Variants in UBASH3B observed in about 807,000 individuals in gnomAD.
The protein encoded by UBASH3B is ubiquitin associated and SH3 domain containing B, also known as ubiquitin-associated and SH3 domain-containing protein B.
UBASH3B carries 37 observed loss-of-function variants against 83.4 expected under a neutral mutation model. The observed-to-expected ratio is 0.44, with a 90% CI of 0.34 to 0.58. UBASH3B has a LOEUF of 0.58. Ranked by LOEUF, UBASH3B falls within the 20% of genes least tolerant of loss-of-function variation. UBASH3B has a pLI of 0.01. For missense variants in UBASH3B, 657 were observed against 827.2 expected (o/e 0.79, Z 2.52); for synonymous variants, 304 against 318.3 (o/e 0.96, Z 0.48).
At chr11:122,722,995 G>A (rs952649701) in intron 1 of UBASH3B, among the ~76,000 whole-genome samples, 3 of 152,128 alleles carry the variant, frequency 2.0e-5, no homozygotes, top group Admixed American at 6.5e-5. Flanking sequence ...GTGAGCCACC[G>A]CGCCCGGCCC....
chr11:122,765,471 C>T (rs549371325), intron 1 of UBASH3B, among the ~76,000 whole-genome samples: 33 of 152,286 alleles, frequency 2.2e-4, no homozygotes, highest in South Asian at 8.3e-4. Context: ...AGGATTCCAG[C>T]TCATCCAAGT....
intron 4 of UBASH3B, among the ~76,000 whole-genome samples, chr11:122,781,465 G>A (rs1241284227): frequency 2.0e-5 from 3 of 152,202 alleles, no homozygotes; most frequent in African/African-American, 7.2e-5. Context: ...CAGATTCTTG[G>A]AGTGCATACT....
At chr11:122,688,592 G>T (rs935265081) in intron 1 of UBASH3B, among the ~76,000 whole-genome samples, 1 of 147,434 alleles carries the variant, frequency 6.8e-6, no homozygotes, top group Admixed American at 6.9e-5. Flanking sequence ...GACTACAGAC[G>T]CCCGCCACCA....
At chr11:122,694,293 C>CT (rs1393287354) in intron 1 of UBASH3B, among the ~76,000 whole-genome samples, 1 of 151,788 alleles carries the variant, frequency 6.6e-6, no homozygotes, top group African/African-American at 2.4e-5. Context: ...CCTTTGTTTC[C>CT]TTTTTTGTTT....
intron 1 of UBASH3B, among the ~76,000 whole-genome samples, chr11:122,705,226 C>T (rs954085092): frequency 2.6e-5 from 4 of 152,144 alleles, no homozygotes; most frequent in Non-Finnish European, 4.4e-5. Flanking sequence ...GCAGGCAGAT[C>T]ATTTGAGGTG....
chr11:122,757,743 C>G (rs1861305571), intron 1 of UBASH3B, among the ~76,000 whole-genome samples: 1 of 119,822 alleles, frequency 8.3e-6, no homozygotes, highest in African/African-American at 3.3e-5. Context: ...GAGACAGAGT[C>G]TCACTCTGTC....
At chr11:122,689,818 TC>T (rs1379741508) in intron 1 of UBASH3B, among the ~76,000 whole-genome samples, 5 of 152,210 alleles carry the variant, frequency 3.3e-5, no homozygotes, top group Admixed American at 2.6e-4. Context: ...CTCACAGAAC[TC>T]AGGGAAACAC....
chr11:122,669,598 T>G (rs552488547), intron 1 of UBASH3B, among the ~76,000 whole-genome samples: 15 of 152,212 alleles, frequency 9.9e-5, no homozygotes, highest in Non-Finnish European at 2.2e-4. Context: ...GCCTTTCCCC[T>G]GAGTTCATGA....
At chr11:122,792,722 G>A (rs926047306) in intron 6 of UBASH3B, among the ~76,000 whole-genome samples, 2 of 152,112 alleles carry the variant, frequency 1.3e-5, no homozygotes, top group Non-Finnish European at 2.9e-5. Context: ...AGATTTCCTT[G>A]GGCTACAGTT....
At chr11:122,780,056 G>A (rs1860823883) in intron 4 of UBASH3B, among the ~76,000 whole-genome samples, 2 of 151,960 alleles carry the variant, frequency 1.3e-5, no homozygotes, top group Admixed American at 6.6e-5. Flanking sequence ...CCAAGCTCCC[G>A]CCCATGTAGG....
At chr11:122,662,646 G>T (rs1253567193) in intron 1 of UBASH3B, among the ~76,000 whole-genome samples, 1 of 151,922 alleles carries the variant, frequency 6.6e-6, no homozygotes, top group Non-Finnish European at 1.5e-5. Flanking sequence ...GGTCAGGCTG[G>T]TCTCGAACTC....
At chr11:122,751,775 C>A (rs927955542) in intron 1 of UBASH3B, among the ~76,000 whole-genome samples, 2 of 152,206 alleles carry the variant, frequency 1.3e-5, no homozygotes, top group African/African-American at 4.8e-5. Flanking sequence ...CATTAGAATG[C>A]TGATTTTAGG....
chr11:122,656,883 G>C (rs1248874046), intron 1 of UBASH3B, among the ~76,000 whole-genome samples: 1 of 152,348 alleles, frequency 6.6e-6, no homozygotes, highest in East Asian at 1.9e-4. Flanking sequence ...TGAGAGTAAG[G>C]AGGGGGAGCT....
intron 7 of UBASH3B, 44 bp from the exon 8 acceptor site, chr11:122,796,112 C>T: frequency 6.2e-7 from 1 of 1,608,280 alleles, no homozygotes; most frequent in African/African-American, 1.3e-5. Context: ...GACATGTCCA[C>T]TTTGCCATGT....
At position 122,783,060 on chromosome 11, in the gene UBASH3B, T is replaced by C; in HGVS notation, c.609T>C (p.His203=). The change falls in exon 5 of 14, where the codon CAT becomes CAC. Residue 203 remains histidine (H), a synonymous_variant. Coordinates refer to ENST00000284273, the MANE Select transcript of UBASH3B (RefSeq NM_032873.5). ...TTTTCTTCCTTTTTCCAGAAGTGCA[T>C]GTGGAACCTCATAAGAAGCAGCTAC... ...AAEAASKTEV[H]VEPHKKQLHV... 1 of 1,612,694 alleles carries C rather than the reference T, an allele frequency of 6.2e-7. No individual in the cohort carries two copies.
rs1487805703 is a variant in UBASH3B at position 122,688,450 on chromosome 11, TTG to T, written c.161+32242_161+32243del. Among the ~76,000 whole-genome samples the T allele has an allele frequency of 6.6e-4, 83 of 125,904 alleles. 1 individual carries two copies. The highest frequency in any genetic ancestry group is 1.2e-3 in the African/African-American group (43 of 37,074). 82.6% of individuals were successfully genotyped at this position (125,904 alleles called of 152,430 possible). A position where few individuals can be genotyped will look rare whatever the true frequency, so the allele number is the denominator to read the frequency against. ...CTAATTTTGGGGTTTTGTGGTTTGT[TTG>T]TTTTTTTTTTTGAGACGGAGTCTGG... is the stretch of plus-strand genomic sequence containing the variant. On this transcript the variant is annotated intron_variant, in intron 1 of 13. Coordinates refer to ENST00000284273, the MANE Select transcript of UBASH3B (RefSeq NM_032873.5).
intron 1 of UBASH3B, among the ~76,000 whole-genome samples, chr11:122,709,904 C>A (rs1234864133): frequency 6.6e-6 from 1 of 152,148 alleles, no homozygotes; most frequent in East Asian, 1.9e-4. Flanking sequence ...CGCCTGTAAT[C>A]CCAGCACTTT....
At chr11:122,697,270 T>C (rs1177165509) in intron 1 of UBASH3B, among the ~76,000 whole-genome samples, 1 of 152,166 alleles carries the variant, frequency 6.6e-6, no homozygotes, top group Non-Finnish European at 1.5e-5. Flanking sequence ...CTTTTACATA[T>C]GTGATTATTC....
intron 11 of UBASH3B, among the ~76,000 whole-genome samples, chr11:122,803,721 T>C (rs1450192421): frequency 6.6e-6 from 1 of 152,032 alleles, no homozygotes; most frequent in East Asian, 1.9e-4. Context: ...AACTTTGGCA[T>C]GAGGCTCAAA....
Sources: allele counts gnomAD v4.1 joint callset (sites outside exome capture counted in the v4.1 genomes callset), GRCh38; gene constraint gnomAD v4.1.1; transcripts MANE v1.5; gene names NCBI Gene and HGNC (gene_info 2026-07-23, HGNC 2026-07-21).